Variants in RPAP2 observed in about 807,000 individuals in gnomAD.
RPAP2 encodes the protein RNA polymerase II associated protein 2, also known as putative RNA polymerase II subunit B1 CTD phosphatase RPAP2.
RPAP2 carries 52 observed loss-of-function variants against 73.1 expected under a neutral mutation model. The observed-to-expected ratio is 0.71, with a 90% confidence interval of 0.57 to 0.90. RPAP2 has a LOEUF of 0.90. RPAP2 is among the 40% of genes least tolerant of loss of function. RPAP2 has a pLI of 0.00. For synonymous variants in RPAP2, 225 were observed against 242.1 expected (o/e 0.93, Z 0.65); for missense variants, 598 against 701.8 (o/e 0.85, Z 1.67).
chr1:92,361,570 A>G (rs987325591), intron 11 of RPAP2, among the ~76,000 whole-genome samples: 1 of 152,200 alleles, frequency 6.6e-6, no homozygotes, highest in African/African-American at 2.4e-5. Flanking sequence ...AATCTGTATA[A>G]TGATTCATAT....
At chr1:92,332,996 A>G (rs1203580876) in intron 8 of RPAP2, among the ~76,000 whole-genome samples, 1 of 152,118 alleles carries the variant, frequency 6.6e-6, no homozygotes, top group East Asian at 1.9e-4. Flanking sequence ...CCATTTCTAG[A>G]ATGGTTAGGG....
intron 6 of RPAP2, among the ~76,000 whole-genome samples, chr1:92,310,978 C>T (rs1272375694): frequency 6.6e-6 from 1 of 152,188 alleles, no homozygotes; most frequent in African/African-American, 2.4e-5. Flanking sequence ...GTGCATTTTA[C>T]ATTATCTCAT....
At chr1:92,325,869 T>G (rs1652595409) in intron 8 of RPAP2, among the ~76,000 whole-genome samples, 1 of 152,184 alleles carries the variant, frequency 6.6e-6, no homozygotes, top group African/African-American at 2.4e-5. Flanking sequence ...TTGTTGCATA[T>G]AGCTGTAGTT....
intron 10 of RPAP2, among the ~76,000 whole-genome samples, chr1:92,339,517 C>A (rs1442401247): frequency 2.0e-5 from 3 of 152,172 alleles, no homozygotes; most frequent in Admixed American, 6.5e-5. Flanking sequence ...TTCCCAGTCC[C>A]TTGGTTTTCC....
intron 5 of RPAP2, among the ~76,000 whole-genome samples, chr1:92,305,301 C>T (rs1312236420): frequency 2.0e-5 from 3 of 150,628 alleles, no homozygotes; most frequent in Admixed American, 6.6e-5. Context: ...AACGTGATGG[C>T]GGGCGCCTGT....
intron 11 of RPAP2, among the ~76,000 whole-genome samples, chr1:92,350,874 G>C (rs1218355990): frequency 6.6e-6 from 1 of 152,184 alleles, no homozygotes; most frequent in East Asian, 1.9e-4. Flanking sequence ...AAAGGTTGTA[G>C]TGAGCTGAGA....
chr1:92,316,315 C>T (rs1651902234), intron 6 of RPAP2, among the ~76,000 whole-genome samples: 1 of 152,130 alleles, frequency 6.6e-6, no homozygotes, highest in Non-Finnish European at 1.5e-5. Context: ...CCTGAACAGC[C>T]ACCTCTGTTG....
At chr1:92,355,959 G>A (rs1654440897) in intron 11 of RPAP2, among the ~76,000 whole-genome samples, 1 of 152,122 alleles carries the variant, frequency 6.6e-6, no homozygotes, top group South Asian at 2.1e-4. Context: ...AATGCAAAAG[G>A]AGAACGTGGA....
chr1:92,326,143 T>C (rs2101191779), intron 8 of RPAP2, among the ~76,000 whole-genome samples: 1 of 152,280 alleles, frequency 6.6e-6, no homozygotes, highest in African/African-American at 2.4e-5. Flanking sequence ...ACAGTTCCAC[T>C]ACTACTATAT....
chr1:92,373,045 C>T (rs1163139010), intron 11 of RPAP2, among the ~76,000 whole-genome samples: 1 of 152,188 alleles, frequency 6.6e-6, no homozygotes, highest in African/African-American at 2.4e-5. Context: ...ACAGGCACGA[C>T]GGATACAGTG....
intron 11 of RPAP2, among the ~76,000 whole-genome samples, chr1:92,362,619 C>G (rs747506042): frequency 2.2e-4 from 34 of 152,170 alleles, no homozygotes; most frequent in Middle Eastern, 3.2e-3. Flanking sequence ...AAAAGCACTT[C>G]AGAAACTGCT....
chr1:92,326,426 G>A (rs1652631838), intron 8 of RPAP2, among the ~76,000 whole-genome samples: 1 of 152,116 alleles, frequency 6.6e-6, no homozygotes, highest in African/African-American at 2.4e-5. Context: ...TACTATTTTT[G>A]TGCTGGTTAG....
chr1:92,356,140 T>G (rs1453747828), intron 11 of RPAP2, among the ~76,000 whole-genome samples: 1 of 152,094 alleles, frequency 6.6e-6, no homozygotes, highest in Non-Finnish European at 1.5e-5. Flanking sequence ...TTTTATTTAT[T>G]TATTTTTTAA....
chr1:92,323,873 A>T lies in RPAP2; in HGVS notation c.953A>T (p.Glu318Val), dbSNP rs1317744757. 1.2e-6 allele frequency: 2 copies of T among 1,613,984 alleles called. No homozygotes were observed. The highest frequency in any genetic ancestry group is 4.5e-5 in the East Asian group (2 of 44,892). Residue 318 changes from glutamate (E) to valine (V), a missense_variant, in exon 8 of 13, where the codon GAA becomes GTA. By Grantham distance (121) the Glu-to-Val change is moderately radical. Around this residue, in one of 3 missense-constraint regions of RPAP2, gnomAD observed 506 missense variants for 612.8 expected, o/e 0.83. Coordinates refer to ENST00000610020, the MANE Select transcript of RPAP2 (RefSeq NM_024813.3). ...RLKASENSES[E>V]YSRSEITLVG... ...AAAGCGTCAGAAAATTCTGAAAGTG[A>T]ATACAGTAGGTCAGAAATAACTCTA...
intron 11 of RPAP2, among the ~76,000 whole-genome samples, chr1:92,364,974 T>C (rs1395331341): frequency 2.0e-5 from 3 of 152,214 alleles, no homozygotes; most frequent in Non-Finnish European, 4.4e-5. Flanking sequence ...CCTATTCACC[T>C]TATTTCCCTT....
At chr1:92,342,869 G>A (rs1367878041) in intron 10 of RPAP2, among the ~76,000 whole-genome samples, 1 of 152,050 alleles carries the variant, frequency 6.6e-6, no homozygotes, top group Non-Finnish European at 1.5e-5. Flanking sequence ...CCTTAGTTTT[G>A]GGGGAAGGAT....
intron 11 of RPAP2, among the ~76,000 whole-genome samples, chr1:92,362,798 G>T (rs1175303414): frequency 6.6e-6 from 1 of 152,054 alleles, no homozygotes. Flanking sequence ...TCATTGCAAT[G>T]AGTGACAAAT....
Position 92,324,249 on chromosome 1 carries a change from T to G in RPAP2, c.1329T>G (p.Ile443Met), listed in dbSNP as rs143344868. ...CTTTTAGGGGCTCAGGTACAGCCAT[T>G]AAACCACTGCCAAGTTACGAGAATT... ...SLPFRGSGTA[I>M]KPLPSYENLK... Residue 443 changes from isoleucine to methionine, a missense_variant, in exon 8 of 13, where the codon ATT becomes ATG. By Grantham distance (10) the Ile-to-Met change is conservative. Coordinates refer to ENST00000610020, the MANE Select transcript of RPAP2 (RefSeq NM_024813.3). 1.0e-4 allele frequency: 169 copies of G among 1,614,030 alleles called. No homozygotes were observed. The African/African-American group carries it at 1.8e-3, about 17-fold the overall frequency.
chr1:92,345,542 A>G (rs2101304111), intron 10 of RPAP2, among the ~76,000 whole-genome samples: 1 of 152,010 alleles, frequency 6.6e-6, no homozygotes. Flanking sequence ...TGTTGGGGAT[A>G]TGTGTGTTTT....
Sources: allele counts gnomAD v4.1 joint callset (sites outside exome capture counted in the v4.1 genomes callset), GRCh38; gene constraint gnomAD v4.1.1; regional missense constraint gnomAD v4.1.1; transcripts MANE v1.5; gene names NCBI Gene and HGNC (gene_info 2026-07-23, HGNC 2026-07-21).